Variants in PLAAT3 observed in about 807,000 individuals in gnomAD.
PLAAT3 encodes Ca-independent phospholipase A1/2.
Under a neutral mutation model 16.7 loss-of-function variants are expected in PLAAT3, and 21 were observed. The observed-to-expected ratio is 1.26, with a 90% confidence interval of 0.89 to 1.81. The LOEUF is 1.81. Among genes scored for constraint, PLAAT3 ranks in the 40% most tolerant of loss-of-function variants. PLAAT3 has a pLI of 0.00. For synonymous variants in PLAAT3, 76 were observed against 81.7 expected, an observed-to-expected ratio of 0.93 and a Z score of 0.38; for missense variants, 219 against 213.7, an observed-to-expected ratio of 1.02 and a Z score of -0.16.
chr11:63,603,247 C>A (rs923723518), intron 2 of PLAAT3, among the ~76,000 whole-genome samples: 1 of 152,082 alleles, frequency 6.6e-6, no homozygotes, highest in African/African-American at 2.4e-5. Flanking sequence ...TCAGGGCCAG[C>A]AGAGTGCCTG....
At chr11:63,615,208 GTA>G (rs377458258), upstream of PLAAT3, among the ~76,000 whole-genome samples, 1,068 of 33,784 alleles carry the variant, frequency 0.032, 418 homozygotes, top group African/African-American at 0.08. Flanking sequence ...ATATATGTGT[GTA>G]TATATATGTG....
intron 2 of PLAAT3, among the ~76,000 whole-genome samples, chr11:63,599,838 A>C (rs1401395379): frequency 6.6e-6 from 1 of 152,142 alleles, no homozygotes; most frequent in East Asian, 1.9e-4. Context: ...CCCATCCCTG[A>C]GGGAGGCTGC....
At chr11:63,597,124 G>A (rs367748229) in intron 3 of PLAAT3, among the ~76,000 whole-genome samples, 142 of 150,376 alleles carry the variant, frequency 9.4e-4, no homozygotes, top group African/African-American at 2.9e-3. Context: ...GCACTCCCCC[G>A]CCTCCTGCCA....
At chr11:63,597,973 G>A (rs1028084924) in intron 3 of PLAAT3, 88 bp downstream of exon 3, 63 of 858,020 alleles carry the variant, frequency 7.3e-5, no homozygotes, top group African/African-American at 1.7e-5. Context: ...CAAGAAGAAT[G>A]TTGGGGTCAC....
In PLAAT3 at chr11:63,574,957, T is replaced by C. The variant is rs763585398; in HGVS notation, c.477A>G (p.Arg159=). The C allele has an allele frequency of 2.5e-6, 4 of 1,604,978 alleles. No individual in the cohort carries two copies. The Admixed American group carries it at 5.0e-5, about 20-fold the overall frequency. ...LIGVMFSRNK[R]QKQ ...CAGTCTTTTTCAGTTATTGCTTTTG[T>C]CGCTTGTTTCTTGAGAACATGACTC... The change falls in exon 5 of 5, where the codon CGA becomes CGG. Residue 159 remains arginine, a synonymous_variant. Transcript: ENST00000415826.
chr11:63,615,178 GTGTGTATATATA>G (rs1281200075), upstream of PLAAT3, among the ~76,000 whole-genome samples: 18 of 52,890 alleles, frequency 3.4e-4, no homozygotes, highest in Admixed American at 1.0e-3. Context: ...GTGTGTATAT[GTGTGTATATATA>G]TGTGTGTATA....
intron 4 of PLAAT3, among the ~76,000 whole-genome samples, chr11:63,578,960 T>C (rs1479843272): frequency 6.6e-6 from 1 of 152,088 alleles, no homozygotes; most frequent in East Asian, 1.9e-4. Flanking sequence ...AGAAAATTTT[T>C]CCAATCTACT....
At chr11:63,610,882 G>C (rs953277193) in intron 2 of PLAAT3, among the ~76,000 whole-genome samples, 3 of 152,080 alleles carry the variant, frequency 2.0e-5, no homozygotes, top group African/African-American at 7.2e-5. Flanking sequence ...GGAACACAGA[G>C]AGGAGAGAAA....
intron 4 of PLAAT3, among the ~76,000 whole-genome samples, chr11:63,581,320 A>G (rs1937808892): frequency 6.6e-6 from 1 of 152,176 alleles, no homozygotes; most frequent in Non-Finnish European, 1.5e-5. Flanking sequence ...AGTAGGAGAA[A>G]TATCGCTGAA....
intron 4 of PLAAT3, among the ~76,000 whole-genome samples, chr11:63,579,872 T>TA (rs34817353): frequency 0.46 from 48,832 of 107,066 alleles, 8,624 homozygotes; most frequent in Admixed American, 0.54. Flanking sequence ...TAAAGTATAA[T>TA]AAAAAAAAAA....
In PLAAT3 at chr11:63,590,027, A is replaced by T; in HGVS notation, c.387+73T>A. Reference sequence around the variant, plus strand: ...TATTTTGTCTTGTTCATGCCTCCATAGCCATGCCCAGCCTCCGTCAGCAGA... The same window carrying T: ...TATTTTGTCTTGTTCATGCCTCCATTGCCATGCCCAGCCTCCGTCAGCAGA... On this transcript the variant is annotated intron_variant, in intron 4 of 4. Transcript: ENST00000415826. 4.1e-6 allele frequency: 6 copies of T among 1,446,822 alleles called. No homozygotes were observed. The South Asian group carries it at 6.2e-5, about 15-fold the overall frequency. 89.6% of individuals were successfully genotyped at this position (1,446,822 alleles called of 1,614,324 possible).
chr11:63,596,775 G>A (rs970891848), intron 3 of PLAAT3, among the ~76,000 whole-genome samples: 1 of 152,084 alleles, frequency 6.6e-6, no homozygotes, highest in Non-Finnish European at 1.5e-5. Context: ...ATGATAATGA[G>A]TGAGTTCTCA....
At chr11:63,603,072 A>G (rs56364222) in intron 2 of PLAAT3, among the ~76,000 whole-genome samples, 34,330 of 148,136 alleles carry the variant, frequency 0.23, 5,040 homozygotes, top group African/African-American at 0.42. Context: ...CAGCCTGGGC[A>G]ACAGAGCAAG....
At chr11:63,612,310 C>A (rs922306591) in intron 2 of PLAAT3, among the ~76,000 whole-genome samples, 8 of 151,660 alleles carry the variant, frequency 5.3e-5, no homozygotes, top group African/African-American at 1.5e-4. Context: ...CTGCACCCAG[C>A]CTGTCTTAGT....
upstream of PLAAT3, among the ~76,000 whole-genome samples, chr11:63,615,136 A>ATG (rs1412355826): frequency 0.043 from 192 of 4,432 alleles, 57 homozygotes; most frequent in African/African-American, 0.054. Flanking sequence ...ATATATGTAT[A>ATG]TGTGTATATG....
chr11:63,593,153 C>T (rs1474949589), intron 3 of PLAAT3, among the ~76,000 whole-genome samples: 3 of 152,194 alleles, frequency 2.0e-5, no homozygotes, highest in Non-Finnish European at 4.4e-5. Context: ...ATCTGGACAG[C>T]AGGCCTGCCC....
At chr11:63,598,208 G>A in intron 2 of PLAAT3, 45 bp from the exon 3 acceptor site, 6 of 1,361,892 alleles carry the variant, frequency 4.4e-6, no homozygotes, top group Non-Finnish European at 6.3e-6. Flanking sequence ...ATGAGATCGT[G>A]GAACCAGGAC....
chr11:63,588,157 C>A (rs1938033186), intron 4 of PLAAT3, among the ~76,000 whole-genome samples: 1 of 151,326 alleles, frequency 6.6e-6, no homozygotes, highest in African/African-American at 2.4e-5. Context: ...GCAACCTCTG[C>A]CTCCCGGATT....
At chr11:63,613,054 G>A (rs1938731465) in intron 2 of PLAAT3, among the ~76,000 whole-genome samples, 1 of 152,164 alleles carries the variant, frequency 6.6e-6, no homozygotes. Context: ...GTGAATTATG[G>A]TTGAGCACTC....
Sources: gnomAD v4.1 joint callset for allele counts (sites outside exome capture counted in the v4.1 genomes callset) on GRCh38, gnomAD v4.1.1 for gene constraint, MANE v1.5 for transcripts, NCBI Gene and HGNC (gene_info 2026-07-23, HGNC 2026-07-21) for gene names.